The following CFAP97 variants were observed in gnomAD, a reference collection of about 807,000 sequenced individuals.
CFAP97 encodes the protein cilia and flagella associated protein 97.
A neutral mutation model predicts 43.1 loss-of-function variants in CFAP97; 36 were observed. The ratio of observed to expected loss-of-function variants is 0.84; its 90% CI spans 0.64 to 1.10. CFAP97 has a LOEUF of 1.10. Among genes scored for constraint, CFAP97 ranks in the 50% least tolerant of loss-of-function variants. The probability of loss-of-function intolerance (pLI) is 0.00; values close to 1 mark genes in which losing one functional copy is unlikely to be tolerated. For synonymous variants in CFAP97, 228 were observed against 225.7 expected (o/e 1.01, Z -0.09); for missense variants, 657 against 620.3 (o/e 1.06, Z -0.63).
At chr4:185,177,807 C>T (rs895248868) in intron 2 of CFAP97, among the ~76,000 whole-genome samples, 10 of 152,086 alleles carry the variant, frequency 6.6e-5, no homozygotes, top group Admixed American at 2.6e-4. Flanking sequence ...TGCACTCCAG[C>T]CTGGGCGACA....
rs545099162 is a variant in CFAP97 at position 185,162,467 on chromosome 4, T to C, written c.*331A>G. 2.0e-4 allele frequency: 34 copies of C among 172,618 alleles called. No homozygotes were observed. In the East Asian group the frequency reaches 6.1e-3, roughly 31 times the overall value. The allele number at this position is 172,618 out of a possible 1,614,324, so 10.7% of individuals were successfully genotyped here. A position where few individuals can be genotyped will look rare whatever the true frequency, so the allele number is the denominator to read the frequency against. Reference sequence around the variant, plus strand: ...AATGAAAATAACACAAATTGAAAACTATAGTGACCATCTTGGGTACGACAT... The same window carrying C: ...AATGAAAATAACACAAATTGAAAACCATAGTGACCATCTTGGGTACGACAT... On this transcript the variant is annotated 3_prime_UTR_variant, in exon 5 of 5. Transcript: ENST00000458385.
chr4:185,184,294 G>A (rs116405645), intron 2 of CFAP97, among the ~76,000 whole-genome samples: 182 of 152,288 alleles, frequency 1.2e-3, no homozygotes, highest in African/African-American at 4.2e-3. Flanking sequence ...CCCAATTACT[G>A]TATATCTATT....
Position 185,161,507 on chromosome 4 carries a change from T to C in CFAP97, c.*1291A>G. ...GTCATTTAACATGGAACCTTTCCAA[T>C]ACATTTTAAGGGCATACTGAAAAGG... On this transcript the variant is annotated 3_prime_UTR_variant, in exon 5 of 5. Transcript: ENST00000458385. 1.3e-5 allele frequency: 2 copies of C among 152,198 alleles called. 1 individual carries two copies. Among genetic ancestry groups the C allele is most frequent in the East Asian group, 3.8e-4 (2 of 5,200 alleles). The allele number at this position is 152,198 out of a possible 1,614,324, so 9.4% of individuals were successfully genotyped here. A position where few individuals can be genotyped will look rare whatever the true frequency, so the allele number is the denominator to read the frequency against.
chr4:185,164,363 A>G (rs931163448), intron 3 of CFAP97, among the ~76,000 whole-genome samples, 184 bp from the exon 4 acceptor site: 6 of 152,096 alleles, frequency 3.9e-5, no homozygotes, highest in Non-Finnish European at 7.3e-5. Context: ...TCAGCCTCTC[A>G]AGTAGCTGGT....
At chr4:185,194,277 T>C (rs908120785) in intron 1 of CFAP97, among the ~76,000 whole-genome samples, 2 of 152,080 alleles carry the variant, frequency 1.3e-5, no homozygotes, top group African/African-American at 4.8e-5. Context: ...TCACCTGAGG[T>C]CAGGAGTTCG....
intron 2 of CFAP97, among the ~76,000 whole-genome samples, chr4:185,187,459 T>G (rs1048584820): frequency 6.6e-6 from 1 of 151,990 alleles, no homozygotes; most frequent in Non-Finnish European, 1.5e-5. Flanking sequence ...AAACAAGCTT[T>G]TGCGACACAG....
In CFAP97 at chr4:185,191,109, T is replaced by C. The variant is rs747097187; in HGVS notation, c.88A>G (p.Asn30Asp). The change falls in exon 2 of 5, where the codon AAC becomes GAC. Residue 30 changes from asparagine to aspartate, a missense_variant. Asn to Asp is a conservative substitution (Grantham distance 23, BLOSUM62 1). Transcript: ENST00000458385. ...DFEEGKKCET[N>D]SVFDKQNDDP... ...TCATTTTGCTTGTCAAAAACTGAGT[T>C]AGTTTCACATTTCTTTCCTTCTTCA... 10 of 1,612,256 alleles carry C rather than the reference T, an allele frequency of 6.2e-6. No individual in the cohort carries two copies. In the Admixed American group the frequency reaches 1.0e-4, roughly 16 times the overall value.
upstream of CFAP97, among the ~76,000 whole-genome samples, chr4:185,208,732 A>T (rs1182694179): frequency 1.3e-5 from 2 of 149,834 alleles, no homozygotes; most frequent in African/African-American, 4.9e-5. Flanking sequence ...TCAAAAAAAA[A>T]GAAAAAAAGA....
chr4:185,161,004 C>T lies in CFAP97; in HGVS notation c.*1794G>A, dbSNP rs868208632. The T allele has an allele frequency of 5.6e-4, 85 of 150,940 alleles. No homozygotes were observed. Among genetic ancestry groups the T allele is most frequent in the African/African-American group, 1.6e-3 (67 of 41,310 alleles). 9.4% of individuals were successfully genotyped at this position (150,940 alleles called of 1,614,324 possible). A position where few individuals can be genotyped will look rare whatever the true frequency, so the allele number is the denominator to read the frequency against. On this transcript the variant is annotated 3_prime_UTR_variant, in exon 5 of 5. Transcript: ENST00000458385. Reference sequence around the variant, plus strand: ...AAAAACTGATTAATTCACTATTGGACAGATGTTCAAATGCTAAATTTAAAA... The same window carrying T: ...AAAAACTGATTAATTCACTATTGGATAGATGTTCAAATGCTAAATTTAAAA...
At position 185,176,026 on chromosome 4, in the gene CFAP97, TC is replaced by T. The variant is rs1466758560; in HGVS notation, c.1079del (p.Gly360AspfsTer12). The part of the protein sequence containing the change: ...LKAFLQLDKK[G>X]PQKHHFDQPS... ...GCTGATCAAAGTGATGTTTTTGTGGTCCTTTTTTATCTAATTGCAGAAAAGC... is the reference window on the plus strand; with the variant it reads ...GCTGATCAAAGTGATGTTTTTGTGGTCTTTTTTATCTAATTGCAGAAAAGC... On this transcript the variant is annotated frameshift_variant, in exon 3 of 5. Transcript: ENST00000458385. LOFTEE classifies it high-confidence loss of function. The T allele has an allele frequency of 6.3e-7, 1 of 1,597,966 alleles. No individual in the cohort carries two copies. The highest frequency in any genetic ancestry group is 8.5e-7 in the Non-Finnish European group (1 of 1,174,374).
chr4:185,166,221 T>A (rs865864326), intron 3 of CFAP97, among the ~76,000 whole-genome samples: 2 of 152,214 alleles, frequency 1.3e-5, no homozygotes, highest in African/African-American at 4.8e-5. Context: ...TCCCATCATA[T>A]CCTCTTTCTT....
intron 2 of CFAP97, among the ~76,000 whole-genome samples, chr4:185,185,698 G>A (rs996703888): frequency 1.4e-5 from 2 of 146,494 alleles, no homozygotes; most frequent in Admixed American, 7.0e-5. Context: ...ATGGAGTGGC[G>A]TGATCTCAGT....
chr4:185,176,075 A>AT (rs1735522496), intron 2 of CFAP97, 24 bp from the exon 3 acceptor site: 2 of 1,539,114 alleles, frequency 1.3e-6, no homozygotes, highest in Admixed American at 4.6e-5. Context: ...CAAAAAAAAA[A>AT]GAGAAAATGG....
chr4:185,178,189 T>C (rs1735629578), intron 2 of CFAP97, among the ~76,000 whole-genome samples: 1 of 151,142 alleles, frequency 6.6e-6, no homozygotes, highest in South Asian at 2.1e-4. Flanking sequence ...CCTTTAAAAT[T>C]CAATTCTAAA....
chr4:185,191,927 CAT>C (rs1469517606), intron 1 of CFAP97, among the ~76,000 whole-genome samples: 6 of 152,234 alleles, frequency 3.9e-5, no homozygotes, highest in Admixed American at 3.3e-4. Context: ...AAAAAAAACT[CAT>C]AGTCACTTCC....
At chr4:185,175,698 T>G in intron 3 of CFAP97, 88 bp downstream of exon 3, 3 of 1,222,292 alleles carry the variant, frequency 2.5e-6, no homozygotes, top group Non-Finnish European at 3.5e-6. Flanking sequence ...AGTTTGAATA[T>G]TTGGCTGTAT....
rs1240084989 is a variant in CFAP97, at chr4:185,160,472, C to G, written c.*2326G>C. On this transcript the variant is annotated 3_prime_UTR_variant, in exon 5 of 5. Transcript: ENST00000458385. The stretch of plus-strand genomic sequence containing the variant: ...AAGTAATTCCTTCTTAAGAATGTCC[C>G]TTAAACTATAACAACTTCATAGCAT... 6.6e-6 allele frequency: 1 copy of G among 152,064 alleles called. No individual in the cohort carries two copies. Among genetic ancestry groups the G allele is most frequent in the East Asian group, 1.9e-4 (1 of 5,196 alleles). 9.4% of individuals were successfully genotyped at this position (152,064 alleles called of 1,614,324 possible). A position where few individuals can be genotyped will look rare whatever the true frequency, so the allele number is the denominator to read the frequency against.
At chr4:185,199,054 G>A (rs1025772127) in intron 1 of CFAP97, among the ~76,000 whole-genome samples, 22 of 152,180 alleles carry the variant, frequency 1.4e-4, no homozygotes, top group African/African-American at 4.8e-4. Context: ...AATGAAGCCC[G>A]TGCTCATTTA....
intron 1 of CFAP97, among the ~76,000 whole-genome samples, chr4:185,202,820 C>T (rs903977150): frequency 5.9e-5 from 9 of 152,062 alleles, no homozygotes; most frequent in African/African-American, 2.2e-4. Context: ...GTAAAGATTT[C>T]GACACTCATG....
Sources: allele counts gnomAD v4.1 joint callset (sites outside exome capture counted in the v4.1 genomes callset), GRCh38; gene constraint gnomAD v4.1.1; transcripts MANE v1.5; gene names NCBI Gene and HGNC (gene_info 2026-07-23, HGNC 2026-07-21).